NLGN4X: variants seen among roughly 807,000 people sequenced by gnomAD.
The protein encoded by NLGN4X is neuroligin 4 X-linked.
Under a neutral mutation model 40.3 loss-of-function variants are expected in NLGN4X, and 3 were observed. The ratio of observed to expected loss-of-function variants is 0.07; its 90% CI spans 0.03 to 0.19. The LOEUF is 0.19. Ranked by LOEUF, NLGN4X falls within the 10% of genes least tolerant of loss-of-function variation. The pLI, the probability that NLGN4X is intolerant of heterozygous loss-of-function variation, is 1.00. For synonymous variants in NLGN4X, 270 were observed against 306.8 expected (o/e 0.88, Z 1.25); for missense variants, 382 against 708.3 (o/e 0.54, Z 5.23).
Position 6,042,730 on chromosome X carries a change from T to TACAC in NLGN4X, c.473-13302_473-13299dup, listed in dbSNP as rs1555956845. 6.4e-3 allele frequency among the ~76,000 whole-genome samples: 128 copies of TACAC among 20,155 alleles called. 3 individuals are homozygous for TACAC. The highest frequency in any genetic ancestry group is 9.3e-3 in the Admixed American group (9 of 967). 17.5% of individuals were successfully genotyped at this position (20,155 alleles called of 115,157 possible). A position where few individuals can be genotyped will look rare whatever the true frequency, so the allele number is the denominator to read the frequency against. On this transcript the variant is annotated intron_variant, in intron 2 of 5. Coordinates refer to ENST00000381095, the MANE Select transcript of NLGN4X (RefSeq NM_181332.3). The stretch of plus-strand genomic sequence containing the variant: ...ATATATATATATATATATATATATA[T>TACAC]ACACACACACGTACACATATCTATA...
intron 2 of NLGN4X, among the ~76,000 whole-genome samples, chrX:6,121,110 A>T (rs191013363): frequency 9.5e-6 from 1 of 105,124 alleles, no homozygotes; most frequent in Non-Finnish European, 1.9e-5. Context: ...CCTCTAAAAA[A>T]TATCTAATTT....
intron 1 of NLGN4X, among the ~76,000 whole-genome samples, chrX:6,190,970 G>A (rs768754404): frequency 4.4e-4 from 49 of 111,312 alleles, no homozygotes; most frequent in Non-Finnish European, 8.1e-4. Flanking sequence ...GATGTACCCC[G>A]AAGTGTGGCC....
chrX:6,062,166 T>A (rs763045315), intron 2 of NLGN4X, among the ~76,000 whole-genome samples: 1 of 111,757 alleles, frequency 8.9e-6, no homozygotes, highest in South Asian at 3.8e-4. Context: ...TACTAGCCCA[T>A]CCTCCAATGT....
intron 1 of NLGN4X, among the ~76,000 whole-genome samples, chrX:6,197,254 A>G (rs930044182): frequency 3.6e-5 from 4 of 110,337 alleles, no homozygotes; most frequent in African/African-American, 1.3e-4. Flanking sequence ...ATGCAATTTC[A>G]TATTAATATG....
intron 2 of NLGN4X, among the ~76,000 whole-genome samples, chrX:6,055,628 T>A: frequency 1.0e-5 from 1 of 98,627 alleles, no homozygotes. Flanking sequence ...AAATAAAAGT[T>A]GAAATTTTAA....
At chrX:5,980,347 T>C (rs2035346691) in intron 3 of NLGN4X, among the ~76,000 whole-genome samples, 1 of 110,369 alleles carries the variant, frequency 9.1e-6, no homozygotes, top group East Asian at 2.8e-4. Context: ...CTTAGCAATG[T>C]CTTTCATGTA....
chrX:6,065,940 C>G (rs935735645), intron 2 of NLGN4X, among the ~76,000 whole-genome samples: 7 of 111,275 alleles, frequency 6.3e-5, no homozygotes, highest in African/African-American at 2.3e-4. Flanking sequence ...AATTATATTT[C>G]ATCTAGGGAA....
chrX:5,997,218 T>C (rs1019247450), intron 3 of NLGN4X, among the ~76,000 whole-genome samples: 3 of 107,057 alleles, frequency 2.8e-5, no homozygotes, highest in East Asian at 2.9e-4. Flanking sequence ...TATATCTATA[T>C]ATATAAATTA....
chrX:6,188,837 G>C (rs1314510179), intron 1 of NLGN4X, among the ~76,000 whole-genome samples: 1 of 111,898 alleles, frequency 8.9e-6, no homozygotes, highest in Non-Finnish European at 1.9e-5. Context: ...TCTAACATAA[G>C]ATCACTAAGA....
intron 4 of NLGN4X, among the ~76,000 whole-genome samples, chrX:5,906,306 G>A (rs1601862024): frequency 1.8e-5 from 2 of 111,413 alleles, no homozygotes; most frequent in South Asian, 7.7e-4. Context: ...GCACTAGTAA[G>A]AAATCAAAGG....
At chrX:6,120,862 T>A (rs1420566465) in intron 2 of NLGN4X, among the ~76,000 whole-genome samples, 1 of 111,512 alleles carries the variant, frequency 9.0e-6, no homozygotes, top group East Asian at 2.8e-4. Context: ...GAATAAAAAA[T>A]CCACAGGTGT....
intron 2 of NLGN4X, among the ~76,000 whole-genome samples, chrX:6,149,268 T>C (rs772228498): frequency 8.9e-6 from 1 of 112,092 alleles, no homozygotes; most frequent in Non-Finnish European, 1.9e-5. Context: ...GGTCTCATTC[T>C]GTCCAACTCC....
At chrX:5,936,501 G>T (rs1319172053) in intron 3 of NLGN4X, among the ~76,000 whole-genome samples, 5 of 111,872 alleles carry the variant, frequency 4.5e-5, no homozygotes, top group Non-Finnish European at 9.4e-5. Context: ...ACCATTCTCA[G>T]TTGCTGTGCC....
intron 3 of NLGN4X, among the ~76,000 whole-genome samples, chrX:5,980,753 G>A (rs1189096707): frequency 9.1e-6 from 1 of 110,152 alleles, no homozygotes; most frequent in Non-Finnish European, 1.9e-5. Flanking sequence ...ATATTGATCA[G>A]GTTTTACATC....
At chrX:6,105,960 C>T (rs1213772155) in intron 2 of NLGN4X, among the ~76,000 whole-genome samples, 2 of 111,739 alleles carry the variant, frequency 1.8e-5, no homozygotes, top group Non-Finnish European at 3.8e-5. Flanking sequence ...ATCACAGATC[C>T]ACCAATGGGG....
At chrX:6,202,936 C>G (rs1278520693) in intron 1 of NLGN4X, among the ~76,000 whole-genome samples, 1 of 111,925 alleles carries the variant, frequency 8.9e-6, no homozygotes, top group Non-Finnish European at 1.9e-5. Context: ...TTGCAAGATT[C>G]TATCAGTATC....
At chrX:6,082,052 T>C (rs946619765) in intron 2 of NLGN4X, among the ~76,000 whole-genome samples, 5 of 112,320 alleles carry the variant, frequency 4.5e-5, no homozygotes, top group African/African-American at 1.3e-4. Flanking sequence ...TAAACAAACA[T>C]TTTAATAATA....
intron 2 of NLGN4X, among the ~76,000 whole-genome samples, chrX:6,150,243 C>A (rs2040135916): frequency 8.9e-6 from 1 of 112,214 alleles, no homozygotes; most frequent in African/African-American, 3.2e-5. Flanking sequence ...GAAATCTATA[C>A]AGACATAAAA....
At chrX:6,197,375 C>T (rs1400712554) in intron 1 of NLGN4X, among the ~76,000 whole-genome samples, 1 of 98,873 alleles carries the variant, frequency 1.0e-5, no homozygotes, top group Non-Finnish European at 2.3e-5. Context: ...AATCCTCTCA[C>T]CTCAGTCTCC....
Sources: gnomAD v4.1 joint callset for allele counts (sites outside exome capture counted in the v4.1 genomes callset) on GRCh38, gnomAD v4.1.1 for gene constraint, MANE v1.5 for transcripts, NCBI Gene and HGNC (gene_info 2026-07-23, HGNC 2026-07-21) for gene names.